SGCZ: variants seen among roughly 807,000 people sequenced by gnomAD.
SGCZ encodes sarcoglycan zeta, also known as zeta-sarcoglycan.
Under a neutral mutation model 41.3 loss-of-function variants are expected in SGCZ, and 40 were observed. The ratio of observed to expected loss-of-function variants is 0.97; its 90% CI spans 0.75 to 1.26. The LOEUF (loss-of-function observed/expected upper bound fraction) is 1.26, where lower values mean the gene tolerates loss of function less well. Among genes scored for constraint, SGCZ ranks in the 50% most tolerant of loss-of-function variants. The probability of loss-of-function intolerance (pLI) is 0.00; values close to 1 mark genes in which losing one functional copy is unlikely to be tolerated. For missense variants in SGCZ, 552 were observed against 369.8 expected, an observed-to-expected ratio of 1.49 and a Z score of -4.04; for synonymous variants, 206 against 137.5, an observed-to-expected ratio of 1.50 and a Z score of -3.49.
chr8:14,405,471 C>G (rs578011694), intron 2 of SGCZ, among the ~76,000 whole-genome samples: 6 of 152,184 alleles, frequency 3.9e-5, no homozygotes, highest in Middle Eastern at 3.4e-3. Context: ...ATGTGCACAT[C>G]ATCGGTTATT....
intron 1 of SGCZ, among the ~76,000 whole-genome samples, chr8:14,603,367 T>C (rs990673608): frequency 3.9e-5 from 6 of 152,150 alleles, no homozygotes; most frequent in South Asian, 2.1e-4. Context: ...CAGCAAATGA[T>C]TGTTGAAAAA....
chr8:14,570,808 T>C (rs1804527890), intron 1 of SGCZ, among the ~76,000 whole-genome samples: 1 of 152,188 alleles, frequency 6.6e-6, no homozygotes. Flanking sequence ...TTCCATAAGC[T>C]TTTAAAGAGT....
chr8:15,037,381 T>C (rs1803911316), intron 1 of SGCZ, among the ~76,000 whole-genome samples: 1 of 152,210 alleles, frequency 6.6e-6, no homozygotes, highest in South Asian at 2.1e-4. Flanking sequence ...AATTATAAGT[T>C]TTCTGAGGCC....
At chr8:14,888,467 A>C (rs1171529481) in intron 1 of SGCZ, among the ~76,000 whole-genome samples, 1 of 152,192 alleles carries the variant, frequency 6.6e-6, no homozygotes, top group Non-Finnish European at 1.5e-5. Flanking sequence ...GCAGGAAAAG[A>C]AGTGAAAGAA....
At chr8:14,361,976 A>C (rs919468063) in intron 2 of SGCZ, among the ~76,000 whole-genome samples, 1 of 151,894 alleles carries the variant, frequency 6.6e-6, no homozygotes, top group African/African-American at 2.4e-5. Flanking sequence ...CTAGAGGTCA[A>C]CTCCAGACCC....
rs185473932 is a variant in SGCZ, at chr8:14,841,252, C to T, written c.40-286326G>A. 8.5e-4 allele frequency among the ~76,000 whole-genome samples: 130 copies of T among 152,214 alleles called. 1 individual carries two copies. The highest frequency in any genetic ancestry group is 3.2e-4 in the Non-Finnish European group (22 of 67,980). On this transcript the variant is annotated intron_variant, in intron 1 of 7. Transcript: ENST00000382080. ...CAAATGTAAACTAAAGAGCAATCCA[C>T]CTGGTCCTTCTCTTCTGCTGCATCT...
At chr8:14,697,516 T>A (rs1809003188) in intron 1 of SGCZ, among the ~76,000 whole-genome samples, 1 of 152,092 alleles carries the variant, frequency 6.6e-6, no homozygotes, top group Non-Finnish European at 1.5e-5. Flanking sequence ...ATCCATGTAG[T>A]TAAAAAGTGT....
chr8:14,429,431 G>C (rs1256805345), intron 2 of SGCZ, among the ~76,000 whole-genome samples: 1 of 152,176 alleles, frequency 6.6e-6, no homozygotes, highest in Non-Finnish European at 1.5e-5. Context: ...TACTGAAATA[G>C]GAGGAGGCCA....
chr8:14,658,729 C>T (rs7828659), intron 1 of SGCZ, among the ~76,000 whole-genome samples: 90,154 of 151,964 alleles, frequency 0.59, 29,139 homozygotes, highest in African/African-American at 0.84. Context: ...CTAATAATTT[C>T]ACCTGTTTGT....
intron 1 of SGCZ, among the ~76,000 whole-genome samples, chr8:15,036,812 T>A (rs57501802): frequency 0.027 from 4,151 of 152,116 alleles, 235 homozygotes; most frequent in East Asian, 0.25. Context: ...TGGGCCAATA[T>A]CCCTGATTAA....
At chr8:15,018,721 G>T (rs1259696247) in intron 1 of SGCZ, among the ~76,000 whole-genome samples, 2 of 152,226 alleles carry the variant, frequency 1.3e-5, no homozygotes, top group Non-Finnish European at 2.9e-5. Context: ...CCACTGGAAG[G>T]TTGTAGAAAG....
intron 2 of SGCZ, among the ~76,000 whole-genome samples, chr8:14,466,132 C>G (rs764475334): frequency 6.6e-6 from 1 of 151,932 alleles, no homozygotes; most frequent in African/African-American, 2.4e-5. Context: ...TTGAGCATTT[C>G]CTGCAGAGCA....
chr8:14,879,220 C>G (rs1272485218), intron 1 of SGCZ: 1 of 152,084 alleles, frequency 6.6e-6, no homozygotes, highest in African/African-American at 2.4e-5. Flanking sequence ...CTCAGCTACT[C>G]AGGAGGCTGA....
chr8:15,158,555 C>T (rs1333228058), intron 1 of SGCZ, among the ~76,000 whole-genome samples: 4 of 152,106 alleles, frequency 2.6e-5, no homozygotes, highest in Non-Finnish European at 2.9e-5. Context: ...TATGCTAAAA[C>T]CTACTGAAGC....
Position 14,373,010 on chromosome 8 carries a change from A to G in SGCZ, c.235-48806T>C, listed in dbSNP as rs538807476. Among the ~76,000 whole-genome samples, 3 of 152,336 alleles carry G rather than the reference A, an allele frequency of 2.0e-5. No individual in the cohort carries two copies. The East Asian group carries it at 5.8e-4, about 29-fold the overall frequency. ...GACAGTAGTCACTGCTACTGACCCA[A>G]GTATTGATAATAACCTGCTTTAGAT... On this transcript the variant is annotated intron_variant, in intron 2 of 7. Coordinates refer to ENST00000382080, the MANE Select transcript of SGCZ (RefSeq NM_139167.4).
intron 1 of SGCZ, among the ~76,000 whole-genome samples, chr8:14,883,776 G>GTT (rs1233614779): frequency 0.053 from 4,560 of 85,906 alleles, 124 homozygotes; most frequent in African/African-American, 0.072. Context: ...GCATCCTGTT[G>GTT]TTTTTTTTTT....
chr8:15,222,077 A>G (rs765984753), intron 1 of SGCZ, among the ~76,000 whole-genome samples: 16 of 152,212 alleles, frequency 1.1e-4, no homozygotes, highest in Non-Finnish European at 2.2e-4. Flanking sequence ...TCAAAATTAT[A>G]TGTAAGTTGG....
At chr8:14,309,658 A>G in intron 3 of SGCZ, 2 of 1,610,624 alleles carry the variant, frequency 1.2e-6, no homozygotes, top group South Asian at 1.1e-5. Flanking sequence ...ACCACTAAAA[A>G]TAGGTTTGTT....
intron 1 of SGCZ, among the ~76,000 whole-genome samples, chr8:14,830,736 A>G (rs1007753579): frequency 6.6e-6 from 1 of 152,184 alleles, no homozygotes; most frequent in Non-Finnish European, 1.5e-5. Flanking sequence ...GTTATATTAC[A>G]AGTCAGCCAA....
Sources: gnomAD v4.1 joint callset for allele counts (sites outside exome capture counted in the v4.1 genomes callset) on GRCh38, gnomAD v4.1.1 for gene constraint, MANE v1.5 for transcripts, NCBI Gene and HGNC (gene_info 2026-07-23, HGNC 2026-07-21) for gene names.